MLLT3: variants seen among roughly 807,000 people sequenced by gnomAD.
MLLT3 encodes the protein MLLT3 super elongation complex subunit.
In MLLT3, 4 loss-of-function variants were observed where a neutral mutation model predicts 53.2. That is an observed-to-expected ratio of 0.08 (90% confidence interval 0.04 to 0.17). The LOEUF (loss-of-function observed/expected upper bound fraction) is 0.17. Ranked by LOEUF, MLLT3 falls within the 10% of genes least tolerant of loss-of-function variation. The pLI is 1.00. For synonymous variants in MLLT3, 283 were observed against 230.6 expected, an observed-to-expected ratio of 1.23 and a Z score of -2.06; for missense variants, 569 against 684.0, an observed-to-expected ratio of 0.83 and a Z score of 1.87.
intron 5 of MLLT3, among the ~76,000 whole-genome samples, chr9:20,392,648 A>T (rs1219467569): frequency 3.3e-5 from 5 of 152,184 alleles, no homozygotes; most frequent in Admixed American, 1.3e-4. Context: ...GGGGTTAATG[A>T]ATACATTATC....
At chr9:20,408,271 G>GTT (rs373926365) in intron 5 of MLLT3, among the ~76,000 whole-genome samples, 30 of 144,614 alleles carry the variant, frequency 2.1e-4, no homozygotes, top group African/African-American at 7.0e-4. Flanking sequence ...GCCTCCAACT[G>GTT]TTTTTTTTTT....
intron 2 of MLLT3, among the ~76,000 whole-genome samples, chr9:20,600,617 T>G (rs1288704838): frequency 2.0e-5 from 3 of 152,328 alleles, no homozygotes; most frequent in African/African-American, 7.2e-5. Context: ...CCAACTAGAT[T>G]TTAGGCTTTT....
chr9:20,426,998 G>A (rs1823154648), intron 4 of MLLT3, among the ~76,000 whole-genome samples: 1 of 152,034 alleles, frequency 6.6e-6, no homozygotes. Flanking sequence ...AAACCAAGAA[G>A]AAGCCTTTAC....
Position 20,413,708 on chromosome 9 carries a change from A to G in MLLT3, c.1125+13T>C, listed in dbSNP as rs1822787886. The G allele has an allele frequency of 3.2e-6, 5 of 1,545,682 alleles. No homozygotes were observed. The East Asian group carries it at 6.8e-5, about 21-fold the overall frequency. On this transcript the variant is annotated intron_variant, in intron 5 of 10. Transcript: ENST00000380338. ...AATAAGGGAAAGGAAGAAAGCCAGT[A>G]AGAACTACTCACATCAGATTTAGAG...
chr9:20,607,354 A>G (rs1259665436), intron 2 of MLLT3, among the ~76,000 whole-genome samples: 1 of 152,172 alleles, frequency 6.6e-6, no homozygotes, highest in Admixed American at 6.6e-5. Context: ...TGTGCCAAAG[A>G]GTATATTTTC....
Position 20,597,051 on chromosome 9 carries a change from TTATAAA to T in MLLT3, c.193+23597_193+23602del, listed in dbSNP as rs200864952. ...AAGTATTTTACTCTTTTTGATGCTA[TTATAAA>T]TAAAATTGTTTCCTTAATTTCATTT... is the stretch of plus-strand genomic sequence containing the variant. On this transcript the variant is annotated intron_variant, in intron 2 of 10. Transcript: ENST00000380338. Among the ~76,000 whole-genome samples, 737 of 152,322 alleles carry T rather than the reference TTATAAA, an allele frequency of 4.8e-3. 6 individuals are homozygous for T. The highest frequency in any genetic ancestry group is 0.016 in the African/African-American group (668 of 41,572).
intron 2 of MLLT3, among the ~76,000 whole-genome samples, chr9:20,562,214 T>C (rs1819234883): frequency 6.6e-6 from 1 of 152,074 alleles, no homozygotes; most frequent in Admixed American, 6.6e-5. Flanking sequence ...TAATACTAGT[T>C]TCACAATCAC....
intron 4 of MLLT3, among the ~76,000 whole-genome samples, chr9:20,422,452 C>A (rs1823032980): frequency 6.6e-6 from 1 of 152,094 alleles, no homozygotes; most frequent in African/African-American, 2.4e-5. Flanking sequence ...TCAATTTACC[C>A]AGATCTGTAA....
chr9:20,531,630 C>T (rs965821694), intron 2 of MLLT3, among the ~76,000 whole-genome samples: 5 of 152,172 alleles, frequency 3.3e-5, no homozygotes. Context: ...CACACTTTCA[C>T]TAGCAATATT....
intron 2 of MLLT3, among the ~76,000 whole-genome samples, chr9:20,606,626 T>A (rs189364947): frequency 8.2e-4 from 125 of 152,222 alleles, no homozygotes; most frequent in African/African-American, 2.7e-3. Flanking sequence ...TTAGGAAAAA[T>A]TCACTCAGTG....
intron 2 of MLLT3, among the ~76,000 whole-genome samples, chr9:20,575,164 A>G (rs1473468562): frequency 6.6e-6 from 1 of 152,202 alleles, no homozygotes; most frequent in Non-Finnish European, 1.5e-5. Context: ...AAAGTCATCC[A>G]TGAGGGCTGG....
intron 2 of MLLT3, among the ~76,000 whole-genome samples, chr9:20,491,009 A>G (rs1290520652): frequency 2.6e-5 from 4 of 152,192 alleles, no homozygotes; most frequent in Non-Finnish European, 5.9e-5. Flanking sequence ...AAATACTTTC[A>G]TTTTAAAGAT....
chr9:20,415,113 A>C (rs1013644482), intron 4 of MLLT3, among the ~76,000 whole-genome samples: 2 of 151,848 alleles, frequency 1.3e-5, no homozygotes, highest in African/African-American at 4.8e-5. Flanking sequence ...GAATCATAAA[A>C]CCCCCCCAAA....
intron 2 of MLLT3, among the ~76,000 whole-genome samples, chr9:20,466,272 T>C (rs576126659): frequency 4.6e-5 from 7 of 152,324 alleles, no homozygotes; most frequent in South Asian, 4.1e-4. Context: ...GAGTGTCATA[T>C]TGGCATTCAA....
chr9:20,456,575 G>T, intron 3 of MLLT3, 129 bp downstream of exon 3: 1 of 665,854 alleles, frequency 1.5e-6, no homozygotes, highest in Non-Finnish European at 2.5e-6. Context: ...AAAATTCCTA[G>T]AAGACAAATT....
At position 20,467,617 on chromosome 9, in the gene MLLT3, C is replaced by A. The variant is rs183535866; in HGVS notation, c.194-10831G>T. Among the ~76,000 whole-genome samples the A allele has an allele frequency of 7.9e-5, 12 of 152,164 alleles. No homozygotes were observed. In the East Asian group the frequency reaches 2.3e-3, roughly 29 times the overall value. On this transcript the variant is annotated intron_variant, in intron 2 of 10. Transcript: ENST00000380338. ...AAAATAAAAAATAAAAGTCGATGAGCAGATTTAATCTTATTTAGGAGTAAT... is the reference window on the plus strand; with the variant it reads ...AAAATAAAAAATAAAAGTCGATGAGAAGATTTAATCTTATTTAGGAGTAAT...
chr9:20,583,641 G>A (rs2131177119), intron 2 of MLLT3, among the ~76,000 whole-genome samples: 1 of 152,266 alleles, frequency 6.6e-6, no homozygotes, highest in East Asian at 1.9e-4. Context: ...AACATCACAT[G>A]GAAGCTGCCA....
At chr9:20,511,830 C>A (rs986165486) in intron 2 of MLLT3, among the ~76,000 whole-genome samples, 1 of 152,114 alleles carries the variant, frequency 6.6e-6, no homozygotes, top group Non-Finnish European at 1.5e-5. Context: ...AGAGGAACAC[C>A]TATAAGTGCT....
rs893277596 is a variant in MLLT3, at chr9:20,354,712, A to G, written c.1503+96T>C. ...CATCTTGGACACTTTGATGAAGAAA[A>G]TGAAAGGAGAACCAGCAAGGATGAT... On this transcript the variant is annotated intron_variant, in intron 9 of 10. Coordinates refer to ENST00000380338, the MANE Select transcript of MLLT3 (RefSeq NM_004529.4). The G allele has an allele frequency of 3.7e-6, 3 of 817,788 alleles. No individual in the cohort carries two copies. In the African/African-American group the frequency reaches 5.1e-5, roughly 14 times the overall value. The allele number at this position is 817,788 out of a possible 1,614,324, so 50.7% of individuals were successfully genotyped here.
Sources: gnomAD v4.1 joint callset for allele counts (sites outside exome capture counted in the v4.1 genomes callset) on GRCh38, gnomAD v4.1.1 for gene constraint, MANE v1.5 for transcripts, NCBI Gene and HGNC (gene_info 2026-07-23, HGNC 2026-07-21) for gene names.